The following GALNT13 variants were observed in gnomAD, a reference collection of about 807,000 sequenced individuals.
GALNT13 encodes polypeptide N-acetylgalactosaminyltransferase 13.
GALNT13 carries 28 observed loss-of-function variants against 64.2 expected under a neutral mutation model. The ratio of observed to expected loss-of-function variants is 0.44; its 90% CI spans 0.32 to 0.60. The LOEUF is 0.60. Ranked by LOEUF, GALNT13 falls within the 20% of genes least tolerant of loss-of-function variation. GALNT13 has a pLI of 0.05. For synonymous variants in GALNT13, 214 were observed against 224.6 expected (o/e 0.95, Z 0.42); for missense variants, 577 against 669.8 (o/e 0.86, Z 1.53).
chr2:153,430,346 C>T, the GALNT13 span, among the ~76,000 whole-genome samples: 9 of 151,834 alleles, frequency 5.9e-5, no homozygotes, highest in Non-Finnish European at 1.2e-4. Context: ...TTTATGATAC[C>T]ATCTGCTGTT....
At chr2:153,172,971 G>A in the GALNT13 span, among the ~76,000 whole-genome samples, 1 of 152,036 alleles carries the variant, frequency 6.6e-6, no homozygotes, top group African/African-American at 2.4e-5. Context: ...AGCTTCATGT[G>A]CTTCGGATAT....
At chr2:153,605,945 G>A in the GALNT13 span, among the ~76,000 whole-genome samples, 1 of 152,028 alleles carries the variant, frequency 6.6e-6, no homozygotes, top group Non-Finnish European at 1.5e-5. Flanking sequence ...GGGTCTGTGA[G>A]ATGCTGTGAG....
At chr2:153,493,057 G>T in the GALNT13 span, among the ~76,000 whole-genome samples, 1 of 151,976 alleles carries the variant, frequency 6.6e-6, no homozygotes, top group Non-Finnish European at 1.5e-5. Context: ...AACACTTAAA[G>T]CTTTAAATGT....
the GALNT13 span, among the ~76,000 whole-genome samples, chr2:153,719,284 T>C: frequency 6.6e-6 from 1 of 152,104 alleles, no homozygotes; most frequent in South Asian, 2.1e-4. Context: ...ACTTAACTTA[T>C]CTATAGTCCC....
At chr2:153,584,924 A>G in the GALNT13 span, among the ~76,000 whole-genome samples, 1 of 152,230 alleles carries the variant, frequency 6.6e-6, no homozygotes, top group Non-Finnish European at 1.5e-5. Context: ...TCATAGCTGT[A>G]TCTTCAAGGA....
chr2:153,211,780 T>C, the GALNT13 span, among the ~76,000 whole-genome samples: 1 of 152,072 alleles, frequency 6.6e-6, no homozygotes, highest in Non-Finnish European at 1.5e-5. Flanking sequence ...ACTAGCTGAG[T>C]ATATAGTCAT....
the GALNT13 span, among the ~76,000 whole-genome samples, chr2:153,768,593 A>G: frequency 4.6e-5 from 7 of 152,166 alleles, no homozygotes; most frequent in Non-Finnish European, 8.8e-5. Context: ...GGACAGGCAC[A>G]GTGGCTCACA....
the GALNT13 span, among the ~76,000 whole-genome samples, chr2:153,782,240 A>G: frequency 1.3e-5 from 2 of 152,172 alleles, no homozygotes; most frequent in Non-Finnish European, 2.9e-5. Flanking sequence ...AGATCTTTCT[A>G]TGCATCATAG....
At chr2:154,450,159 G>T (rs1701811564) in intron 12 of GALNT13, among the ~76,000 whole-genome samples, 2 of 151,980 alleles carry the variant, frequency 1.3e-5, no homozygotes, top group African/African-American at 4.8e-5. Flanking sequence ...TCTTGGCAAT[G>T]CTTGATAAAT....
chr2:153,402,351 G>C, the GALNT13 span, among the ~76,000 whole-genome samples: 2 of 150,830 alleles, frequency 1.3e-5, no homozygotes, highest in African/African-American at 4.9e-5. Context: ...CTCTCTGGCT[G>C]CCCTTAACAT....
chr2:153,212,515 T>G, the GALNT13 span, among the ~76,000 whole-genome samples: 5 of 152,196 alleles, frequency 3.3e-5, no homozygotes, highest in African/African-American at 1.2e-4. Context: ...AGAGGATGAT[T>G]CATTCTTGTG....
At chr2:153,812,932 A>C in the GALNT13 span, among the ~76,000 whole-genome samples, 1 of 152,226 alleles carries the variant, frequency 6.6e-6, no homozygotes, top group African/African-American at 2.4e-5. Context: ...ACCATTCTAC[A>C]TACAGGTTTT....
intron 4 of GALNT13, among the ~76,000 whole-genome samples, chr2:154,217,177 C>G (rs1268390854): frequency 6.6e-6 from 1 of 151,790 alleles, no homozygotes; most frequent in African/African-American, 2.4e-5. Context: ...AAAAATATAC[C>G]CTATCATTTG....
chr2:153,621,960 G>A, the GALNT13 span, among the ~76,000 whole-genome samples: 29,411 of 151,858 alleles, frequency 0.19, 3,023 homozygotes, highest in African/African-American at 0.24. Flanking sequence ...ATTAATTAGA[G>A]GTTAGTTTAG....
chr2:153,829,426 A>AAG, the GALNT13 span, among the ~76,000 whole-genome samples: 1 of 151,702 alleles, frequency 6.6e-6, no homozygotes, highest in Non-Finnish European at 1.5e-5. Flanking sequence ...GCAGCAGGCA[A>AAG]AGAGAGAGAG....
the GALNT13 span, among the ~76,000 whole-genome samples, chr2:153,626,284 T>A: frequency 6.6e-6 from 1 of 151,996 alleles, no homozygotes; most frequent in African/African-American, 2.4e-5. Flanking sequence ...AACCTAAATA[T>A]TAAATAGCAA....
chr2:153,977,671 A>G (rs992060181), intron 3 of GALNT13, among the ~76,000 whole-genome samples: 6 of 151,944 alleles, frequency 3.9e-5, no homozygotes, highest in Non-Finnish European at 8.8e-5. Flanking sequence ...TCAAACCAGC[A>G]TCATCATCAT....
intron 9 of GALNT13, among the ~76,000 whole-genome samples, chr2:154,333,644 A>T (rs1310219577): frequency 6.6e-6 from 1 of 152,090 alleles, no homozygotes; most frequent in South Asian, 2.1e-4. Flanking sequence ...TGAAATAGCA[A>T]TGAATTCTTT....
At chr2:153,808,482 A>C in the GALNT13 span, among the ~76,000 whole-genome samples, 2 of 152,076 alleles carry the variant, frequency 1.3e-5, no homozygotes, top group African/African-American at 4.8e-5. Context: ...GCTGTCATCT[A>C]ATCTCCAGGG....
Sources: allele counts gnomAD v4.1 joint callset (sites outside exome capture counted in the v4.1 genomes callset), GRCh38; gene constraint gnomAD v4.1.1; transcripts MANE v1.5; gene names NCBI Gene and HGNC (gene_info 2026-07-23, HGNC 2026-07-21).